The following LYPLA1 variants were observed in gnomAD, a reference collection of about 807,000 sequenced individuals.
LYPLA1 encodes lysophospholipase 1.
Under a neutral mutation model 34.0 loss-of-function variants are expected in LYPLA1, and 17 were observed. The ratio of observed to expected loss-of-function variants is 0.50; its 90% CI spans 0.34 to 0.75. The LOEUF (loss-of-function observed/expected upper bound fraction) is 0.75. LYPLA1 is among the 30% of genes least tolerant of loss of function. The probability of loss-of-function intolerance (pLI) is 0.01; values close to 1 mark genes in which losing one functional copy is unlikely to be tolerated. For synonymous variants in LYPLA1, 98 were observed against 100.8 expected (o/e 0.97, Z 0.17); for missense variants, 203 against 288.8 (o/e 0.70, Z 2.15).
intron 2 of LYPLA1, among the ~76,000 whole-genome samples, chr8:54,066,424 AAATGTCTTTATAC>A (rs1209748504): frequency 6.6e-6 from 1 of 152,208 alleles, no homozygotes; most frequent in African/African-American, 2.4e-5. Flanking sequence ...TATATTTTTA[AAATGTCTTTATAC>A]AATGTGTTTA....
At chr8:54,085,076 A>T (rs1273318459) in intron 2 of LYPLA1, among the ~76,000 whole-genome samples, 1 of 152,008 alleles carries the variant, frequency 6.6e-6, no homozygotes, top group African/African-American at 2.4e-5. Flanking sequence ...TACTGCCGCC[A>T]TCTCGGCTCA....
chr8:54,057,365 G>A (rs1806279241), intron 5 of LYPLA1, among the ~76,000 whole-genome samples: 1 of 152,104 alleles, frequency 6.6e-6, no homozygotes, highest in Non-Finnish European at 1.5e-5. Context: ...GTACTCCCAT[G>A]TTTGTTGTAG....
intron 5 of LYPLA1, among the ~76,000 whole-genome samples, chr8:54,062,038 G>C (rs1806671989): frequency 6.6e-6 from 1 of 151,970 alleles, no homozygotes. Context: ...TGTATTTTCA[G>C]TAGAGATGGG....
intron 8 of LYPLA1, among the ~76,000 whole-genome samples, chr8:54,049,177 T>C (rs1032078626): frequency 2.0e-5 from 3 of 152,256 alleles, no homozygotes; most frequent in African/African-American, 7.2e-5. Flanking sequence ...TCTCCGTCCC[T>C]AAATTATTTA....
intron 5 of LYPLA1, among the ~76,000 whole-genome samples, chr8:54,057,539 T>C (rs944519024): frequency 1.3e-5 from 2 of 152,186 alleles, no homozygotes; most frequent in Non-Finnish European, 2.9e-5. Context: ...GAGATCATTA[T>C]GTTAAGGGAA....
At chr8:54,092,262 G>A (rs1365115861) in intron 2 of LYPLA1, among the ~76,000 whole-genome samples, 2 of 150,638 alleles carry the variant, frequency 1.3e-5, no homozygotes, top group Non-Finnish European at 3.0e-5. Context: ...GAAGGAGAAG[G>A]AGGAGAAGGA....
At chr8:54,069,947 C>G (rs555098453) in intron 2 of LYPLA1, among the ~76,000 whole-genome samples, 1 of 152,172 alleles carries the variant, frequency 6.6e-6, no homozygotes, top group Admixed American at 6.5e-5. Context: ...TGAGATACCA[C>G]TTCATACCTA....
intron 2 of LYPLA1, chr8:54,073,404 C>A: frequency 1.3e-6 from 1 of 778,292 alleles, no homozygotes; most frequent in East Asian, 2.4e-5. Context: ...TTTGTAAATG[C>A]TGGCACGGCC....
rs1287446033 is a variant in LYPLA1, at chr8:54,084,143, T to A, written c.101+16765A>T. Reference sequence around the variant, plus strand: ...ACCAAAGAAAAAAAAAATAAATAAATATATATATATATATATATATAAAAT... The same window carrying A: ...ACCAAAGAAAAAAAAAATAAATAAAAATATATATATATATATATATAAAAT... On this transcript the variant is annotated intron_variant, in intron 2 of 8. Transcript: ENST00000316963. Among the ~76,000 whole-genome samples, 280 of 113,562 alleles carry A rather than the reference T, an allele frequency of 2.5e-3. 8 individuals are homozygous for A. The highest frequency in any genetic ancestry group is 0.011 in the African/African-American group (244 of 21,792). The allele number at this position is 113,562 out of a possible 152,430, so 74.5% of individuals were successfully genotyped here.
Position 54,057,675 on chromosome 8 carries a change from G to C in LYPLA1, c.287-2542C>G, listed in dbSNP as rs911708174. ...TATCAGAGGCTGGAAGGGTAGAAGG[G>C]GGCTGGAGGTGAGGTGTAGCTAGTT... On this transcript the variant is annotated intron_variant, in intron 5 of 8. Transcript: ENST00000316963. Among the ~76,000 whole-genome samples the C allele has an allele frequency of 2.0e-5, 3 of 152,116 alleles. No homozygotes were observed. The East Asian group carries it at 5.8e-4, about 29-fold the overall frequency.
At chr8:54,085,054 G>A (rs1217633190) in intron 2 of LYPLA1, among the ~76,000 whole-genome samples, 3 of 152,072 alleles carry the variant, frequency 2.0e-5, no homozygotes, top group East Asian at 1.9e-4. Context: ...ATGCCGAGAC[G>A]AGGCTGGACT....
At chr8:54,069,710 G>A (rs959935968) in intron 2 of LYPLA1, among the ~76,000 whole-genome samples, 4 of 147,858 alleles carry the variant, frequency 2.7e-5, no homozygotes, top group Admixed American at 6.8e-5. Flanking sequence ...ACTCTGTCTC[G>A]TTTAAAAAAA....
At chr8:54,085,248 GA>G (rs1563645968) in intron 2 of LYPLA1, among the ~76,000 whole-genome samples, 1 of 152,142 alleles carries the variant, frequency 6.6e-6, no homozygotes, top group African/African-American at 2.4e-5. Context: ...TCGGCATCCC[GA>G]GGTGCCGGGA....
At chr8:54,065,166 G>A (rs1806958419) in intron 3 of LYPLA1, among the ~76,000 whole-genome samples, 1 of 152,230 alleles carries the variant, frequency 6.6e-6, no homozygotes, top group Admixed American at 6.5e-5. Flanking sequence ...AGATACCCTA[G>A]GGATATCCTA....
chr8:54,092,975 T>C (rs1196253104), intron 2 of LYPLA1, among the ~76,000 whole-genome samples: 1 of 152,210 alleles, frequency 6.6e-6, no homozygotes, highest in Non-Finnish European at 1.5e-5. Flanking sequence ...ACCCCATTCA[T>C]GTAGCACGTT....
rs764541154 is a variant in LYPLA1 at position 54,048,075 on chromosome 8, G to A, written c.683C>T (p.Pro228Leu). 2 of 1,608,634 alleles carry A rather than the reference G, an allele frequency of 1.2e-6. No individual in the cohort carries two copies. Among genetic ancestry groups the A allele is most frequent in the South Asian group, 1.1e-5 (1 of 90,892 alleles). The change falls in exon 9 of 9, where the codon CCA becomes CTA. Residue 228 changes from proline (P) to leucine (L), a missense_variant. Physicochemically the swap from Pro to Leu is moderately conservative, Grantham distance 98. This residue lies in a region of LYPLA1 where 123 missense variants were observed against 199.2 expected (regional missense o/e 0.62). Coordinates refer to ENST00000316963, the MANE Select transcript of LYPLA1 (RefSeq NM_006330.4). ...GGCCTCTTAGTGACGTCAATCAATT[G>A]GAGGTAGGAGTTTATCAATGAATTG... ...VKQFIDKLLP[P>L]ID
chr8:54,051,215 T>C (rs1229112428), intron 7 of LYPLA1, 27 bp from the exon 8 acceptor site: 1 of 1,563,780 alleles, frequency 6.4e-7, no homozygotes, highest in Admixed American at 1.9e-5. Context: ...AAGAAATAGT[T>C]TTATTTTTGT....
chr8:54,070,813 C>T (rs1276736462), intron 2 of LYPLA1, among the ~76,000 whole-genome samples: 2 of 152,116 alleles, frequency 1.3e-5, no homozygotes, highest in Non-Finnish European at 1.5e-5. Context: ...TGCTATAGCA[C>T]GGATGAGCCT....
chr8:54,097,884 T>C (rs1325915162), intron 2 of LYPLA1, among the ~76,000 whole-genome samples: 2 of 152,240 alleles, frequency 1.3e-5, no homozygotes, highest in Non-Finnish European at 2.9e-5. Context: ...ATCACTTCTC[T>C]TGCACTTTGG....
Sources: allele counts gnomAD v4.1 joint callset (sites outside exome capture counted in the v4.1 genomes callset), GRCh38; gene constraint gnomAD v4.1.1; regional missense constraint gnomAD v4.1.1; transcripts MANE v1.5; gene names NCBI Gene and HGNC (gene_info 2026-07-23, HGNC 2026-07-21).